PARD3: variants seen among roughly 807,000 people sequenced by gnomAD.
The protein encoded by PARD3 is partitioning defective 3 homolog.
In PARD3, 75 loss-of-function variants were observed where a neutral mutation model predicts 155.4. The observed-to-expected ratio is 0.48, with a 90% CI of 0.40 to 0.58. PARD3 has a LOEUF of 0.58. Ranked by LOEUF, PARD3 falls within the 20% of genes least tolerant of loss-of-function variation. The pLI, the probability that PARD3 is intolerant of heterozygous loss-of-function variation, is 0.00. For missense variants in PARD3, 1,642 were observed against 1,721.7 expected, an observed-to-expected ratio of 0.95 and a Z score of 0.82; for synonymous variants, 576 against 610.5, an observed-to-expected ratio of 0.94 and a Z score of 0.83.
chr10:34,413,558 C>T (rs558854763), intron 5 of PARD3, among the ~76,000 whole-genome samples: 1 of 151,966 alleles, frequency 6.6e-6, no homozygotes, highest in South Asian at 2.1e-4. Context: ...GTCTCATAGC[C>T]CTTTTATCCA....
intron 2 of PARD3, among the ~76,000 whole-genome samples, chr10:34,690,685 T>G (rs1377834892): frequency 6.6e-6 from 1 of 152,160 alleles, no homozygotes; most frequent in Non-Finnish European, 1.5e-5. Flanking sequence ...CACGCCTCGC[T>G]AGCTCTATGG....
At chr10:34,146,705 G>A (rs1249327669) in intron 22 of PARD3, among the ~76,000 whole-genome samples, 4 of 152,054 alleles carry the variant, frequency 2.6e-5, no homozygotes, top group African/African-American at 9.7e-5. Flanking sequence ...TTCACTCTTC[G>A]TTCTCCTGCT....
chr10:34,518,379 T>G (rs918041095), intron 2 of PARD3, among the ~76,000 whole-genome samples: 1 of 152,166 alleles, frequency 6.6e-6, no homozygotes, highest in African/African-American at 2.4e-5. Context: ...CTCCAGTTAA[T>G]GAACAAGGGC....
chr10:34,496,886 G>A lies in PARD3; in HGVS notation c.403+20093C>T, dbSNP rs572082805. 9.9e-4 allele frequency among the ~76,000 whole-genome samples: 100 copies of A among 101,274 alleles called. 2 individuals carry two copies. The highest frequency in any genetic ancestry group is 9.2e-3 in the African/African-American group (95 of 10,310). The allele number at this position is 101,274 out of a possible 152,430, so 66.4% of individuals were successfully genotyped here. ...GTTATTAAACAGTACTATTTTTAACGTTTAAAAATAGTATACTATTTTTAA... is the reference window on the plus strand; with the variant it reads ...GTTATTAAACAGTACTATTTTTAACATTTAAAAATAGTATACTATTTTTAA... On this transcript the variant is annotated intron_variant, in intron 3 of 24. Transcript: ENST00000374788.
chr10:34,180,053 T>C (rs1171100570), intron 22 of PARD3, among the ~76,000 whole-genome samples: 1 of 152,142 alleles, frequency 6.6e-6, no homozygotes, highest in Non-Finnish European at 1.5e-5. Flanking sequence ...TCAAGCATTT[T>C]TGTTTTTTTT....
intron 1 of PARD3, among the ~76,000 whole-genome samples, chr10:34,702,425 T>G (rs1371865718): frequency 6.6e-6 from 1 of 152,056 alleles, no homozygotes; most frequent in Non-Finnish European, 1.5e-5. Context: ...CAATACTGTC[T>G]GAAAGTCTGT....
Position 34,679,232 on chromosome 10 carries a change from G to A in PARD3, c.222+17086C>T, listed in dbSNP as rs141051795. On this transcript the variant is annotated intron_variant, in intron 2 of 24. Transcript: ENST00000374788. ...TAACCCCTCAATGGACGGCACAGACGGCATCCGGCAGTGTGGACTCCAGGT... is the reference window on the plus strand; with the variant it reads ...TAACCCCTCAATGGACGGCACAGACAGCATCCGGCAGTGTGGACTCCAGGT... Among the ~76,000 whole-genome samples, 49 of 152,250 alleles carry A rather than the reference G, an allele frequency of 3.2e-4. No individual in the cohort carries two copies. In the East Asian group the frequency reaches 8.3e-3, roughly 26 times the overall value.
chr10:34,126,599 T>A (rs1006328663), intron 23 of PARD3, among the ~76,000 whole-genome samples: 2 of 152,120 alleles, frequency 1.3e-5, no homozygotes, highest in African/African-American at 4.8e-5. Flanking sequence ...AAGGTCAGAA[T>A]ACATAAGAGA....
rs2088633037 is a variant in PARD3 at position 34,591,060 on chromosome 10, A to T, written c.223-73901T>A. ...AAACAGGGCGGGAAGTAACAGGGGA[A>T]AACACACCTGCACACCATTCTGTCC... On this transcript the variant is annotated intron_variant, in intron 2 of 24. Coordinates refer to ENST00000374788, the MANE Select transcript of PARD3 (RefSeq NM_001184785.2). Among the ~76,000 whole-genome samples, 3 of 152,088 alleles carry T rather than the reference A, an allele frequency of 2.0e-5. No individual in the cohort carries two copies. The South Asian group carries it at 6.2e-4, about 32-fold the overall frequency.
chr10:34,130,138 G>A (rs767864403), intron 23 of PARD3, among the ~76,000 whole-genome samples: 6 of 152,020 alleles, frequency 3.9e-5, no homozygotes, highest in East Asian at 1.9e-4. Flanking sequence ...CCTCAACATC[G>A]TCTGAACTAT....
intron 1 of PARD3, among the ~76,000 whole-genome samples, chr10:34,759,504 T>C (rs1353022070): frequency 2.6e-5 from 4 of 152,214 alleles, no homozygotes; most frequent in African/African-American, 9.6e-5. Flanking sequence ...AAGAAACTTC[T>C]AGAACTTTCC....
intron 21 of PARD3, among the ~76,000 whole-genome samples, chr10:34,273,912 G>C (rs1955753906): frequency 6.6e-6 from 1 of 152,010 alleles, no homozygotes; most frequent in Non-Finnish European, 1.5e-5. Flanking sequence ...AATTCACCTA[G>C]CTCAGTGTTT....
chr10:34,644,613 A>C (rs962671405), intron 2 of PARD3, among the ~76,000 whole-genome samples: 6 of 152,186 alleles, frequency 3.9e-5, no homozygotes, highest in African/African-American at 1.4e-4. Context: ...TAAGGACAAA[A>C]GATGTACCTT....
intron 5 of PARD3, among the ~76,000 whole-genome samples, chr10:34,415,362 T>C (rs1190291849): frequency 6.6e-6 from 1 of 151,980 alleles, no homozygotes; most frequent in Non-Finnish European, 1.5e-5. Flanking sequence ...TGAGTACCAT[T>C]AGAAAGAAAA....
At chr10:34,754,141 T>C (rs1430824347) in intron 1 of PARD3, among the ~76,000 whole-genome samples, 6 of 152,114 alleles carry the variant, frequency 3.9e-5, no homozygotes, top group Non-Finnish European at 8.8e-5. Context: ...CCTGAATAGC[T>C]GGGACTATAA....
intron 4 of PARD3, among the ~76,000 whole-genome samples, chr10:34,467,904 A>G (rs1273412997): frequency 6.6e-6 from 1 of 152,126 alleles, no homozygotes; most frequent in Non-Finnish European, 1.5e-5. Context: ...TTCTGCAGAG[A>G]AGGGTCTAGA....
intron 1 of PARD3, among the ~76,000 whole-genome samples, chr10:34,771,571 A>G (rs1838866806): frequency 6.6e-6 from 1 of 152,260 alleles, no homozygotes; most frequent in Non-Finnish European, 1.5e-5. Flanking sequence ...AGAAAGAAAA[A>G]TGACGTCGGT....
intron 1 of PARD3, among the ~76,000 whole-genome samples, chr10:34,723,149 C>T (rs915646684): frequency 2.0e-5 from 3 of 152,066 alleles, no homozygotes; most frequent in Non-Finnish European, 4.4e-5. Flanking sequence ...TCAAGACCAG[C>T]CTGGCCAACA....
chr10:34,479,955 G>A (rs936935809), intron 3 of PARD3, among the ~76,000 whole-genome samples: 1 of 152,206 alleles, frequency 6.6e-6, no homozygotes, highest in African/African-American at 2.4e-5. Flanking sequence ...TGAGGCAAGG[G>A]GAGCTGTGAC....
Sources: gnomAD v4.1 joint callset for allele counts (sites outside exome capture counted in the v4.1 genomes callset) on GRCh38, gnomAD v4.1.1 for gene constraint, MANE v1.5 for transcripts, NCBI Gene and HGNC (gene_info 2026-07-23, HGNC 2026-07-21) for gene names.